The following RPS6KC1 variants were observed in gnomAD, a reference collection of about 807,000 sequenced individuals.
The protein encoded by RPS6KC1 is inactive ribosomal protein S6 kinase delta-1.
A neutral mutation model predicts 103.8 loss-of-function variants in RPS6KC1; 54 were observed. The ratio of observed to expected loss-of-function variants is 0.52; its 90% CI spans 0.42 to 0.65. The LOEUF is 0.65. RPS6KC1 is among the 30% of genes least tolerant of loss of function. The pLI is 0.00. For missense variants in RPS6KC1, 1,151 were observed against 1,253.8 expected (o/e 0.92, Z 1.24); for synonymous variants, 439 against 438.7 (o/e 1.00, Z -0.01).
chr1:213,601,802 C>T, the RPS6KC1 span, among the ~76,000 whole-genome samples: 1 of 152,018 alleles, frequency 6.6e-6, no homozygotes, highest in Admixed American at 6.6e-5. Flanking sequence ...TTCTAAGAGG[C>T]TGGAGAAAAA....
chr1:213,338,150 T>A, the RPS6KC1 span, among the ~76,000 whole-genome samples: 1 of 152,160 alleles, frequency 6.6e-6, no homozygotes, highest in Admixed American at 6.5e-5. Context: ...TATGAATGAA[T>A]CTTAGGCCTA....
At chr1:213,222,347 A>C (rs537818024) in intron 8 of RPS6KC1, among the ~76,000 whole-genome samples, 9 of 152,204 alleles carry the variant, frequency 5.9e-5, no homozygotes, top group Admixed American at 1.3e-4. Context: ...CTTGTAGACT[A>C]GAGTTATAAG....
the RPS6KC1 span, chr1:213,821,943 T>C: frequency 6.6e-6 from 1 of 151,788 alleles, no homozygotes; most frequent in Non-Finnish European, 1.5e-5. Context: ...GGGTGGGGGG[T>C]TTTATTGGTT....
intron 1 of RPS6KC1, among the ~76,000 whole-genome samples, chr1:213,053,607 G>A (rs1217617999): frequency 6.6e-6 from 1 of 152,164 alleles, no homozygotes; most frequent in Non-Finnish European, 1.5e-5. Context: ...AAAGGGCTGT[G>A]GGAAGACAGA....
chr1:213,494,069 C>T, the RPS6KC1 span, among the ~76,000 whole-genome samples: 349 of 152,150 alleles, frequency 2.3e-3, 1 homozygote, highest in African/African-American at 7.8e-3. Flanking sequence ...TGTGATAACT[C>T]TGTAGTATAT....
At chr1:213,431,262 A>G in the RPS6KC1 span, among the ~76,000 whole-genome samples, 1 of 152,134 alleles carries the variant, frequency 6.6e-6, no homozygotes, top group Non-Finnish European at 1.5e-5. Flanking sequence ...TTCTTATTTG[A>G]CATTTTTAGA....
At chr1:213,533,496 G>GTTTGTT in the RPS6KC1 span, among the ~76,000 whole-genome samples, 2 of 152,080 alleles carry the variant, frequency 1.3e-5, no homozygotes, top group Non-Finnish European at 2.9e-5. Context: ...ATGGATAACT[G>GTTTGTT]TAACTTTCTG....
At chr1:213,536,423 G>T in the RPS6KC1 span, among the ~76,000 whole-genome samples, 1 of 152,184 alleles carries the variant, frequency 6.6e-6, no homozygotes, top group Non-Finnish European at 1.5e-5. Context: ...ATAAGTAAAT[G>T]AGCAAAACAA....
At chr1:213,504,024 G>A in the RPS6KC1 span, among the ~76,000 whole-genome samples, 6 of 152,176 alleles carry the variant, frequency 3.9e-5, no homozygotes, top group Non-Finnish European at 7.4e-5. Context: ...AATACATCAT[G>A]ATTTATGTAG....
chr1:213,833,699 C>T, the RPS6KC1 span, among the ~76,000 whole-genome samples: 4 of 152,104 alleles, frequency 2.6e-5, no homozygotes, highest in Non-Finnish European at 4.4e-5. Flanking sequence ...GGCCTGACCC[C>T]GCCACACCCT....
intron 6 of RPS6KC1, among the ~76,000 whole-genome samples, chr1:213,139,432 A>T (rs1042876308): frequency 2.0e-5 from 3 of 152,004 alleles, no homozygotes; most frequent in Admixed American, 6.6e-5. Flanking sequence ...GATGTGTGGA[A>T]TGGTATTTCC....
intron 4 of RPS6KC1, among the ~76,000 whole-genome samples, chr1:213,113,990 G>A (rs2083305349): frequency 1.3e-5 from 2 of 152,196 alleles, no homozygotes; most frequent in African/African-American, 4.8e-5. Flanking sequence ...AAGTCAGGTA[G>A]GGTGATGCCT....
the RPS6KC1 span, among the ~76,000 whole-genome samples, chr1:213,655,522 C>G: frequency 6.6e-6 from 1 of 152,210 alleles, no homozygotes; most frequent in Non-Finnish European, 1.5e-5. Context: ...AAAGGATATT[C>G]TAAAACACGC....
the RPS6KC1 span, among the ~76,000 whole-genome samples, chr1:213,708,887 C>T: frequency 2.0e-5 from 3 of 152,246 alleles, no homozygotes; most frequent in South Asian, 6.2e-4. Context: ...AGCCTTGCAT[C>T]CCAGGGATGA....
chr1:213,362,432 CT>C, the RPS6KC1 span, among the ~76,000 whole-genome samples: 4 of 152,148 alleles, frequency 2.6e-5, no homozygotes, highest in Non-Finnish European at 5.9e-5. Flanking sequence ...CTCATTAATT[CT>C]ATGAGATAGA....
intron 7 of RPS6KC1, among the ~76,000 whole-genome samples, chr1:213,174,476 C>T (rs567963166): frequency 1.3e-5 from 2 of 152,030 alleles, no homozygotes; most frequent in Admixed American, 1.3e-4. Context: ...TCGAAACCAG[C>T]CTCGCCAACA....
the RPS6KC1 span, among the ~76,000 whole-genome samples, chr1:213,771,129 T>TTGTC: frequency 6.6e-6 from 1 of 151,790 alleles, no homozygotes; most frequent in Non-Finnish European, 1.5e-5. Context: ...TCTCCTTTGT[T>TTGTC]TGTTTGTTTG....
the RPS6KC1 span, among the ~76,000 whole-genome samples, chr1:213,778,531 C>T: frequency 5.2e-3 from 786 of 152,212 alleles, 9 homozygotes; most frequent in African/African-American, 0.018. Context: ...TTTTAATTTA[C>T]GTGACTGCAA....
At chr1:213,284,461 G>A in the RPS6KC1 span, among the ~76,000 whole-genome samples, 1 of 151,100 alleles carries the variant, frequency 6.6e-6, no homozygotes, top group Non-Finnish European at 1.5e-5. Flanking sequence ...GGTGAACTAA[G>A]ATCTTGCCAC....
Sources: allele counts gnomAD v4.1 joint callset (sites outside exome capture counted in the v4.1 genomes callset), GRCh38; gene constraint gnomAD v4.1.1; transcripts MANE v1.5; gene names NCBI Gene and HGNC (gene_info 2026-07-23, HGNC 2026-07-21).